The following IQGAP2 variants were observed in gnomAD, a reference collection of about 807,000 sequenced individuals.
The protein encoded by IQGAP2 is ras GTPase-activating-like protein IQGAP2.
Under a neutral mutation model 201.3 loss-of-function variants are expected in IQGAP2, and 173 were observed. That is an observed-to-expected ratio of 0.86 (90% CI 0.76 to 0.98). The LOEUF (loss-of-function observed/expected upper bound fraction) is 0.98, where lower values mean the gene tolerates loss of function less well. Among genes scored for constraint, IQGAP2 ranks in the 50% least tolerant of loss-of-function variants. IQGAP2 has a pLI of 0.00. For missense variants in IQGAP2, 1,687 were observed against 1,864.8 expected (o/e 0.90, Z 1.76); for synonymous variants, 675 against 673.9 (o/e 1.00, Z -0.03).
chr5:76,461,706 T>G, intron 2 of IQGAP2, 37 bp downstream of exon 2: 3 of 1,439,790 alleles, frequency 2.1e-6, no homozygotes, highest in Non-Finnish European at 2.9e-6. Context: ...GCACCATCTC[T>G]TGGAGATAAG....
chr5:76,497,417 T>C (rs192340264), intron 2 of IQGAP2, among the ~76,000 whole-genome samples: 142 of 152,368 alleles, frequency 9.3e-4, no homozygotes, highest in African/African-American at 3.2e-3. Context: ...AAAAATCTTT[T>C]CTAAAATGTA....
At chr5:76,545,243 G>A (rs1008236470) in intron 2 of IQGAP2, among the ~76,000 whole-genome samples, 30 of 152,286 alleles carry the variant, frequency 2.0e-4, no homozygotes, top group African/African-American at 6.7e-4. Context: ...GAACAGAAGT[G>A]GCATCATAAA....
chr5:76,525,713 G>T (rs990981960), intron 2 of IQGAP2, among the ~76,000 whole-genome samples: 1 of 152,182 alleles, frequency 6.6e-6, no homozygotes, highest in Non-Finnish European at 1.5e-5. Context: ...TACAAAGAAA[G>T]CCAGTTGTAT....
At chr5:76,513,257 C>G (rs1758095218) in intron 2 of IQGAP2, among the ~76,000 whole-genome samples, 1 of 152,094 alleles carries the variant, frequency 6.6e-6, no homozygotes, top group Non-Finnish European at 1.5e-5. Context: ...CCTTACAGCA[C>G]TCCTTTGAGG....
chr5:76,465,090 A>G (rs1754700190), intron 2 of IQGAP2, among the ~76,000 whole-genome samples: 1 of 152,208 alleles, frequency 6.6e-6, no homozygotes, highest in Non-Finnish European at 1.5e-5. Context: ...ACATTACCCT[A>G]ATACCAAAAC....
intron 31 of IQGAP2, among the ~76,000 whole-genome samples, chr5:76,694,574 G>A (rs960067149): frequency 2.6e-5 from 4 of 152,150 alleles, no homozygotes; most frequent in Non-Finnish European, 5.9e-5. Context: ...CAGCTCACAG[G>A]CAGGATTAAG....
At chr5:76,600,278 T>C (rs1214130446) in intron 10 of IQGAP2, among the ~76,000 whole-genome samples, 1 of 152,264 alleles carries the variant, frequency 6.6e-6, no homozygotes. Flanking sequence ...TTTTAAAATT[T>C]CTATTTTAAA....
chr5:76,550,543 G>A (rs1299170694), intron 2 of IQGAP2, among the ~76,000 whole-genome samples: 2 of 152,030 alleles, frequency 1.3e-5, no homozygotes, highest in African/African-American at 4.8e-5. Flanking sequence ...AGATTAGGGA[G>A]TGGTGATGAC....
At chr5:76,566,105 C>T (rs561915830) in intron 3 of IQGAP2, among the ~76,000 whole-genome samples, 24 of 152,186 alleles carry the variant, frequency 1.6e-4, no homozygotes, top group African/African-American at 5.5e-4. Context: ...TTCATCCATG[C>T]AACACTTATG....
intron 5 of IQGAP2, among the ~76,000 whole-genome samples, chr5:76,583,182 G>GT (rs1474823219): frequency 6.6e-6 from 1 of 152,090 alleles, no homozygotes; most frequent in Non-Finnish European, 1.5e-5. Flanking sequence ...GGGCTTTTTT[G>GT]TTTTTTAGAT....
chr5:76,614,697 A>T lies in IQGAP2; in HGVS notation c.1521+3514A>T, dbSNP rs140152724. ...ACTCCTGGGCTCAAGTGATCCTCCC[A>T]CCTCAGCCTCTCAAGTAGCTGGGAT... On this transcript the variant is annotated intron_variant, in intron 13 of 35. Transcript: ENST00000274364. 8.1e-3 allele frequency among the ~76,000 whole-genome samples: 1,019 copies of T among 126,142 alleles called. 10 individuals carry two copies. Among genetic ancestry groups the T allele is most frequent in the African/African-American group, 0.03 (969 of 32,734 alleles). The allele number at this position is 126,142 out of a possible 152,430, so 82.8% of individuals were successfully genotyped here.
intron 1 of IQGAP2, among the ~76,000 whole-genome samples, chr5:76,445,950 T>C (rs555027123): frequency 2.0e-5 from 3 of 152,240 alleles, no homozygotes; most frequent in Non-Finnish European, 4.4e-5. Context: ...TGTTTCTTTT[T>C]GCGACTGGCT....
intron 2 of IQGAP2, among the ~76,000 whole-genome samples, chr5:76,487,312 T>C (rs1756222650): frequency 6.6e-6 from 1 of 152,146 alleles, no homozygotes; most frequent in African/African-American, 2.4e-5. Context: ...TTGGCCAGGC[T>C]GGTCTCAAAC....
At chr5:76,515,894 T>C (rs1758285834) in intron 2 of IQGAP2, among the ~76,000 whole-genome samples, 2 of 148,720 alleles carry the variant, frequency 1.3e-5, no homozygotes, top group South Asian at 2.2e-4. Context: ...TTTTTTTTTT[T>C]TGAGATAGAG....
rs143409404 is a variant in IQGAP2 at position 76,556,800 on chromosome 5, T to A, written c.147-5596T>A. 2.0e-5 allele frequency among the ~76,000 whole-genome samples: 3 copies of A among 152,296 alleles called. No individual in the cohort carries two copies. In the East Asian group the frequency reaches 5.8e-4, roughly 29 times the overall value. The stretch of plus-strand genomic sequence containing the variant: ...ATGATTGATAGGAGTTTCCAAGTTG[T>A]ATCTTATTGGAAGGACCTTTGAGAG... On this transcript the variant is annotated intron_variant, in intron 2 of 35. Coordinates refer to ENST00000274364, the MANE Select transcript of IQGAP2 (RefSeq NM_006633.5).
At chr5:76,566,597 A>G (rs148120490) in intron 3 of IQGAP2, among the ~76,000 whole-genome samples, 310 of 152,272 alleles carry the variant, frequency 2.0e-3, no homozygotes, top group Non-Finnish European at 3.7e-3. Flanking sequence ...GTGATGCCAT[A>G]TGGTGCAGTT....
At chr5:76,451,009 T>C (rs1753707909) in intron 1 of IQGAP2, among the ~76,000 whole-genome samples, 1 of 152,168 alleles carries the variant, frequency 6.6e-6, no homozygotes, top group Non-Finnish European at 1.5e-5. Context: ...ATCATAGTCT[T>C]CTAATTGTGT....
At chr5:76,474,589 C>T (rs1294657439) in intron 2 of IQGAP2, among the ~76,000 whole-genome samples, 1 of 152,080 alleles carries the variant, frequency 6.6e-6, no homozygotes, top group African/African-American at 2.4e-5. Flanking sequence ...TTGTTTTTTC[C>T]CATCGTGTGA....
chr5:76,518,467 G>GC (rs1201802047), intron 2 of IQGAP2, among the ~76,000 whole-genome samples: 2 of 152,110 alleles, frequency 1.3e-5, no homozygotes, highest in African/African-American at 4.8e-5. Flanking sequence ...GGAAAGACTT[G>GC]CCCCCATGAT....
Sources: allele counts gnomAD v4.1 joint callset (sites outside exome capture counted in the v4.1 genomes callset), GRCh38; gene constraint gnomAD v4.1.1; transcripts MANE v1.5; gene names NCBI Gene and HGNC (gene_info 2026-07-23, HGNC 2026-07-21).